Variants in DCUN1D4 observed in about 807,000 individuals in gnomAD.
The protein encoded by DCUN1D4 is defective in cullin neddylation 1 domain containing 4, also known as DCN1-like protein 4.
In DCUN1D4, 22 loss-of-function variants were observed where a neutral mutation model predicts 47.9. The ratio of observed to expected loss-of-function variants is 0.46; its 90% CI spans 0.33 to 0.66. The LOEUF is 0.66. DCUN1D4 is among the 30% of genes least tolerant of loss of function. The pLI is 0.02. For missense variants in DCUN1D4, 301 were observed against 340.8 expected (o/e 0.88, Z 0.92); for synonymous variants, 121 against 112.2 (o/e 1.08, Z -0.50).
At chr4:51,898,161 TC>T (rs1578020600) in intron 7 of DCUN1D4, among the ~76,000 whole-genome samples, 1 of 152,190 alleles carries the variant, frequency 6.6e-6, no homozygotes, top group African/African-American at 2.4e-5. Context: ...TATTCTCAGT[TC>T]CTAGAGAGGG....
chr4:51,896,566 T>C (rs1731298672), intron 7 of DCUN1D4, among the ~76,000 whole-genome samples: 3 of 152,060 alleles, frequency 2.0e-5, no homozygotes, highest in Admixed American at 2.0e-4. Context: ...CCGATTATTA[T>C]TAATATTATA....
At chr4:51,901,658 G>A (rs769033290) in intron 8 of DCUN1D4, among the ~76,000 whole-genome samples, 28 of 152,180 alleles carry the variant, frequency 1.8e-4, no homozygotes, top group Non-Finnish European at 3.7e-4. Flanking sequence ...GCCTGTCGGG[G>A]TGGGATTGTG....
At chr4:51,839,325 T>A (rs2109760366), upstream of DCUN1D4, among the ~76,000 whole-genome samples, 1 of 152,328 alleles carries the variant, frequency 6.6e-6, no homozygotes, top group African/African-American at 2.4e-5. Context: ...GGGGCACGTT[T>A]ACTTATTAGC....
chr4:51,846,615 TAGC>T (rs1722585759), intron 1 of DCUN1D4, among the ~76,000 whole-genome samples: 1 of 152,238 alleles, frequency 6.6e-6, no homozygotes, highest in South Asian at 2.1e-4. Flanking sequence ...CCTGCTAACT[TAGC>T]AGTATAAAAA....
At position 51,874,392 on chromosome 4, in the gene DCUN1D4, T is replaced by C; in HGVS notation, c.251+7T>C. The C allele has an allele frequency of 6.3e-7, 1 of 1,589,836 alleles. No individual in the cohort carries two copies. The highest frequency in any genetic ancestry group is 1.1e-5 in the South Asian group (1 of 89,842). ...AGAAAAGTAGACATGATAGGTATGA[T>C]GTAGAGACAGTAGATCAGAATCAGT... On this transcript the variant is annotated splice_region_variant and intron_variant, in intron 4 of 10. Transcript: ENST00000334635.
chr4:51,854,804 A>C (rs186073384), intron 1 of DCUN1D4, among the ~76,000 whole-genome samples: 1 of 152,220 alleles, frequency 6.6e-6, no homozygotes, highest in African/African-American at 2.4e-5. Context: ...TGTTGTAGGT[A>C]CAGGTCAAGT....
the DCUN1D4 span, among the ~76,000 whole-genome samples, chr4:51,834,932 C>T: frequency 6.6e-6 from 1 of 152,230 alleles, no homozygotes; most frequent in Non-Finnish European, 1.5e-5. Flanking sequence ...ATCCTCTAAT[C>T]TGCTTATCAA....
At chr4:51,868,501 C>G (rs899924697) in intron 3 of DCUN1D4, among the ~76,000 whole-genome samples, 2 of 152,226 alleles carry the variant, frequency 1.3e-5, no homozygotes, top group East Asian at 3.8e-4. Flanking sequence ...CATTTGCCAT[C>G]TGGTTATAGC....
chr4:51,841,190 T>C (rs182241591), upstream of DCUN1D4, among the ~76,000 whole-genome samples: 85 of 152,090 alleles, frequency 5.6e-4, no homozygotes, highest in Admixed American at 1.1e-3. Context: ...GAAGCCCTTT[T>C]CTGTGCAAAA....
chr4:51,839,586 T>A (rs1330516108), upstream of DCUN1D4, among the ~76,000 whole-genome samples: 1 of 152,232 alleles, frequency 6.6e-6, no homozygotes, highest in Non-Finnish European at 1.5e-5. Flanking sequence ...TAAATTCTCC[T>A]TTCGGAGGGG....
chr4:51,855,711 T>C (rs1724031229), intron 1 of DCUN1D4, among the ~76,000 whole-genome samples: 1 of 152,218 alleles, frequency 6.6e-6, no homozygotes, highest in Non-Finnish European at 1.5e-5. Context: ...ACTAGAATTT[T>C]TTTTCTTTTA....
intron 3 of DCUN1D4, among the ~76,000 whole-genome samples, chr4:51,871,934 C>G (rs61794804): frequency 0.057 from 8,700 of 152,256 alleles, 267 homozygotes; most frequent in African/African-American, 0.067. Context: ...CCCCTTGACT[C>G]TTTCTCTTCC....
intron 8 of DCUN1D4, among the ~76,000 whole-genome samples, chr4:51,906,117 C>T (rs1732853993): frequency 6.6e-6 from 1 of 152,124 alleles, no homozygotes; most frequent in African/African-American, 2.4e-5. Context: ...GGAGGCAGAA[C>T]ACTCAAGTGG....
chr4:51,834,113 T>C, the DCUN1D4 span, among the ~76,000 whole-genome samples: 2 of 119,144 alleles, frequency 1.7e-5, no homozygotes, highest in Non-Finnish European at 1.6e-5. Context: ...CTTTTTTTTT[T>C]CTTTTTTTTT....
chr4:51,867,336 G>A (rs576945134), intron 3 of DCUN1D4, among the ~76,000 whole-genome samples: 58 of 152,310 alleles, frequency 3.8e-4, no homozygotes, highest in Non-Finnish European at 7.1e-4. Context: ...TCTCTTCACC[G>A]CCCACAACGT....
chr4:51,883,651 A>G (rs571625221), intron 5 of DCUN1D4, among the ~76,000 whole-genome samples: 42 of 152,360 alleles, frequency 2.8e-4, no homozygotes, highest in African/African-American at 1.0e-3. Context: ...AGAAATGATC[A>G]TTGCAGATGA....
At chr4:51,902,741 C>G (rs940409363) in intron 8 of DCUN1D4, among the ~76,000 whole-genome samples, 2 of 152,088 alleles carry the variant, frequency 1.3e-5, no homozygotes, top group African/African-American at 4.8e-5. Context: ...TTGGTATGGA[C>G]AAAATTTATA....
chr4:51,910,760 C>G, intron 8 of DCUN1D4: 1 of 349,656 alleles, frequency 2.9e-6, no homozygotes, highest in Non-Finnish European at 5.1e-6. Context: ...GATTGAGTTA[C>G]AAGTTTTTAT....
At chr4:51,862,341 TCTAA>T (rs1429191587) in intron 1 of DCUN1D4, among the ~76,000 whole-genome samples, 2 of 152,208 alleles carry the variant, frequency 1.3e-5, no homozygotes, top group African/African-American at 2.4e-5. Context: ...AGTAAAGCTT[TCTAA>T]CTGTGAACAG....
Sources: gnomAD v4.1 joint callset for allele counts (sites outside exome capture counted in the v4.1 genomes callset) on GRCh38, gnomAD v4.1.1 for gene constraint, MANE v1.5 for transcripts, NCBI Gene and HGNC (gene_info 2026-07-23, HGNC 2026-07-21) for gene names.